SLC6A11: variants seen among roughly 807,000 people sequenced by gnomAD.
SLC6A11 encodes sodium- and chloride-dependent GABA transporter 3.
SLC6A11 carries 25 observed loss-of-function variants against 74.8 expected under a neutral mutation model. That is an observed-to-expected ratio of 0.33 (90% CI 0.24 to 0.47). SLC6A11 has a LOEUF of 0.47. Among genes scored for constraint, SLC6A11 ranks in the 20% least tolerant of loss-of-function variants. The probability of loss-of-function intolerance (pLI) is 1.00; values close to 1 mark genes in which losing one functional copy is unlikely to be tolerated. For missense variants in SLC6A11, 574 were observed against 837.0 expected, an observed-to-expected ratio of 0.69 and a Z score of 3.88; for synonymous variants, 330 against 330.2, an observed-to-expected ratio of 1.00 and a Z score of 0.01.
intron 5 of SLC6A11, among the ~76,000 whole-genome samples, chr3:10,872,397 C>T (rs779518824): frequency 6.6e-6 from 1 of 152,200 alleles, no homozygotes; most frequent in Non-Finnish European, 1.5e-5. Context: ...TTCCCGTCTT[C>T]CTTCCATCCC....
At chr3:10,870,656 G>A (rs139060443) in intron 5 of SLC6A11, among the ~76,000 whole-genome samples, 1 of 152,296 alleles carries the variant, frequency 6.6e-6, no homozygotes, top group Non-Finnish European at 1.5e-5. Context: ...ATTAGAAGTA[G>A]CTTTTACAGA....
At chr3:10,899,824 G>A (rs1695216048) in intron 6 of SLC6A11, among the ~76,000 whole-genome samples, 1 of 152,214 alleles carries the variant, frequency 6.6e-6, no homozygotes, top group Non-Finnish European at 1.5e-5. Flanking sequence ...TTAAACACAG[G>A]TGTTCCAGTG....
intron 5 of SLC6A11, among the ~76,000 whole-genome samples, chr3:10,849,292 T>C (rs1340723158): frequency 6.6e-6 from 1 of 152,184 alleles, no homozygotes; most frequent in Non-Finnish European, 1.5e-5. Flanking sequence ...CTTTGGATAA[T>C]TGGAATGGGG....
intron 7 of SLC6A11, among the ~76,000 whole-genome samples, chr3:10,913,579 C>T (rs772494094): frequency 4.6e-5 from 7 of 152,168 alleles, no homozygotes; most frequent in Non-Finnish European, 8.8e-5. Flanking sequence ...ATAAGATTAA[C>T]GAGCATCCCA....
chr3:10,872,304 G>A (rs1694837056), intron 5 of SLC6A11, among the ~76,000 whole-genome samples: 1 of 152,190 alleles, frequency 6.6e-6, no homozygotes, highest in South Asian at 2.1e-4. Flanking sequence ...CTTGTTGAAT[G>A]TTTCATGTGT....
At chr3:10,839,830 C>G in intron 4 of SLC6A11, among the ~76,000 whole-genome samples, 1 of 152,196 alleles carries the variant, frequency 6.6e-6, no homozygotes, top group Non-Finnish European at 1.5e-5. Context: ...TTCACTCTTG[C>G]TCAGCGAAAG....
chr3:10,830,409 C>A lies in SLC6A11; in HGVS notation c.623+7017C>A, dbSNP rs116958837. On this transcript the variant is annotated intron_variant, in intron 4 of 13. Transcript: ENST00000254488. Reference sequence around the variant, plus strand: ...AGGGGCCAGAGCATCTATGCACTCACAGGTCTTTATTGAGCACCTACTATA... The same window carrying A: ...AGGGGCCAGAGCATCTATGCACTCAAAGGTCTTTATTGAGCACCTACTATA... Among the ~76,000 whole-genome samples the A allele has an allele frequency of 6.1e-3, 932 of 152,326 alleles. 42 individuals carry two copies. In the South Asian group the frequency reaches 0.092, roughly 15 times the overall value.
intron 9 of SLC6A11, among the ~76,000 whole-genome samples, chr3:10,927,964 C>T (rs1695631309): frequency 6.6e-6 from 1 of 152,176 alleles, no homozygotes; most frequent in African/African-American, 2.4e-5. Context: ...AAGCCCAGCT[C>T]TGGAGCAAGA....
chr3:10,929,946 C>A (rs549804079), intron 10 of SLC6A11, among the ~76,000 whole-genome samples: 1 of 152,242 alleles, frequency 6.6e-6, no homozygotes, highest in South Asian at 2.1e-4. Context: ...AAATAAATAC[C>A]TTCTTATGTA....
At chr3:10,855,622 A>T (rs1694629841) in intron 5 of SLC6A11, among the ~76,000 whole-genome samples, 1 of 152,174 alleles carries the variant, frequency 6.6e-6, no homozygotes, top group African/African-American at 2.4e-5. Context: ...CCTGTGTACC[A>T]TGTCCTGTGC....
chr3:10,881,551 AC>A (rs1337902680), intron 6 of SLC6A11, among the ~76,000 whole-genome samples: 1 of 152,146 alleles, frequency 6.6e-6, no homozygotes, highest in African/African-American at 2.4e-5. Context: ...TTGCGTTAGA[AC>A]CCCAAAATTG....
intron 6 of SLC6A11, among the ~76,000 whole-genome samples, chr3:10,902,258 C>T (rs188786164): frequency 1.3e-5 from 2 of 152,354 alleles, no homozygotes; most frequent in African/African-American, 4.8e-5. Flanking sequence ...ATCTTCTTGG[C>T]CAGGCGCTGG....
intron 5 of SLC6A11, among the ~76,000 whole-genome samples, chr3:10,852,223 G>A (rs1188758302): frequency 6.6e-6 from 1 of 152,250 alleles, no homozygotes; most frequent in East Asian, 1.9e-4. Context: ...CATTCAGAGA[G>A]GAAACTAGAA....
intron 5 of SLC6A11, among the ~76,000 whole-genome samples, chr3:10,858,976 G>C (rs1483052054): frequency 6.6e-6 from 1 of 152,214 alleles, no homozygotes; most frequent in Non-Finnish European, 1.5e-5. Flanking sequence ...TATATGAAGA[G>C]AAACAGGCTG....
chr3:10,842,714 G>C (rs1396947373), intron 4 of SLC6A11, among the ~76,000 whole-genome samples: 2 of 152,102 alleles, frequency 1.3e-5, no homozygotes, highest in African/African-American at 2.4e-5. Context: ...CTGGTGCCTA[G>C]TAGGTGCTCA....
At chr3:10,921,740 A>G (rs1695540082) in intron 8 of SLC6A11, among the ~76,000 whole-genome samples, 1 of 152,238 alleles carries the variant, frequency 6.6e-6, no homozygotes, top group Non-Finnish European at 1.5e-5. Flanking sequence ...CATGTCTAAA[A>G]GAGACACACT....
At chr3:10,873,660 GTCCTATCCTA>G (rs1215304371) in intron 5 of SLC6A11, among the ~76,000 whole-genome samples, 1 of 78,122 alleles carries the variant, frequency 1.3e-5, no homozygotes, top group Non-Finnish European at 2.3e-5. Context: ...CATCTATCCC[GTCCTATCCTA>G]TCCTATCCTA....
At chr3:10,924,240 T>A (rs1695572825) in intron 8 of SLC6A11, among the ~76,000 whole-genome samples, 1 of 152,204 alleles carries the variant, frequency 6.6e-6, no homozygotes, top group South Asian at 2.1e-4. Flanking sequence ...ATTGAAAGTG[T>A]TCCCCTAAAA....
intron 6 of SLC6A11, among the ~76,000 whole-genome samples, chr3:10,896,285 C>T (rs1321503107): frequency 6.6e-6 from 1 of 152,248 alleles, no homozygotes; most frequent in Non-Finnish European, 1.5e-5. Context: ...GCCTAGTCAG[C>T]CCCACACACC....
Sources: allele counts gnomAD v4.1 joint callset (sites outside exome capture counted in the v4.1 genomes callset), GRCh38; gene constraint gnomAD v4.1.1; transcripts MANE v1.5; gene names NCBI Gene and HGNC (gene_info 2026-07-23, HGNC 2026-07-21).